Variants in DENND6A observed in about 807,000 individuals in gnomAD.
The protein encoded by DENND6A is protein DENND6A.
Under a neutral mutation model 95.5 loss-of-function variants are expected in DENND6A, and 43 were observed. The ratio of observed to expected loss-of-function variants is 0.45; its 90% confidence interval spans 0.35 to 0.58. The LOEUF (loss-of-function observed/expected upper bound fraction) is 0.58. DENND6A is among the 20% of genes least tolerant of loss of function. The pLI is 0.00. For synonymous variants in DENND6A, 257 were observed against 260.4 expected (o/e 0.99, Z 0.13); for missense variants, 574 against 736.0 (o/e 0.78, Z 2.55).
chr3:57,659,618 C>T (rs1408936221), intron 7 of DENND6A, among the ~76,000 whole-genome samples: 1 of 152,196 alleles, frequency 6.6e-6, no homozygotes, highest in East Asian at 1.9e-4. Context: ...AAACACAATA[C>T]AGATCCTACA....
intron 1 of DENND6A, among the ~76,000 whole-genome samples, chr3:57,683,483 C>T (rs758880458): frequency 2.0e-5 from 3 of 152,128 alleles, no homozygotes; most frequent in Non-Finnish European, 2.9e-5. Flanking sequence ...ATAGGTCACG[C>T]TGGTCTTTTG....
chr3:57,640,082 A>C (rs142598416), intron 12 of DENND6A, among the ~76,000 whole-genome samples: 1,523 of 151,756 alleles, frequency 0.01, 29 homozygotes, highest in African/African-American at 0.034. Context: ...CAAACTGGCC[A>C]ACATGGTGAA....
At chr3:57,684,280 T>G (rs981899033) in intron 1 of DENND6A, among the ~76,000 whole-genome samples, 1 of 150,060 alleles carries the variant, frequency 6.7e-6, no homozygotes, top group African/African-American at 2.5e-5. Context: ...ACCAACATGG[T>G]GAAACCCCGT....
At chr3:57,630,645 A>C (rs2070648315) in intron 17 of DENND6A, 70 bp downstream of exon 17, 8 of 1,555,038 alleles carry the variant, frequency 5.1e-6, no homozygotes, top group Non-Finnish European at 7.0e-6. Flanking sequence ...AATAAGCTTA[A>C]GTTTAGCTTT....
intron 9 of DENND6A, 40 bp from the exon 10 acceptor site, chr3:57,646,478 C>G (rs573386284): frequency 1.3e-6 from 2 of 1,558,276 alleles, no homozygotes; most frequent in African/African-American, 2.8e-5. Context: ...TTTAATGTAG[C>G]CAATCCTGTT....
intron 15 of DENND6A, chr3:57,631,289 C>A (rs555453886): frequency 4.7e-6 from 1 of 212,294 alleles, no homozygotes; most frequent in Non-Finnish European, 9.3e-6. Context: ...CTCTGCCCCC[C>A]GGGTTCAAGC....
intron 14 of DENND6A, 71 bp from the exon 15 acceptor site, chr3:57,633,425 C>A: frequency 8.2e-7 from 1 of 1,224,756 alleles, no homozygotes; most frequent in South Asian, 1.3e-5. Context: ...CTATCAGATT[C>A]AATTGCTATG....
intron 1 of DENND6A, among the ~76,000 whole-genome samples, chr3:57,681,613 G>C (rs1302012950): frequency 2.6e-5 from 3 of 113,226 alleles, no homozygotes; most frequent in South Asian, 3.1e-4. Context: ...AACAGAGCAA[G>C]ACCCTGTTAA....
chr3:57,635,854 ACC>A (rs1293601446), intron 12 of DENND6A, among the ~76,000 whole-genome samples: 1 of 152,072 alleles, frequency 6.6e-6, no homozygotes, highest in Non-Finnish European at 1.5e-5. Context: ...TGCCTCTGCC[ACC>A]CCTGAGTTAG....
chr3:57,668,752 A>G (rs896354427), intron 3 of DENND6A, among the ~76,000 whole-genome samples: 5 of 152,232 alleles, frequency 3.3e-5, no homozygotes, highest in African/African-American at 1.2e-4. Context: ...TGGGTATACA[A>G]TGGAAATAAA....
chr3:57,651,714 A>G (rs2153414611), intron 9 of DENND6A, among the ~76,000 whole-genome samples: 1 of 152,290 alleles, frequency 6.6e-6, no homozygotes, highest in East Asian at 1.9e-4. Context: ...TAAACCCGGA[A>G]TATCTCACAC....
chr3:57,661,588 T>G, intron 5 of DENND6A, 37 bp from the exon 6 acceptor site: 1 of 1,491,050 alleles, frequency 6.7e-7, no homozygotes, highest in Admixed American at 2.5e-5. Context: ...TAAAAATTGC[T>G]TTGTCATTCA....
chr3:57,664,276 G>A (rs1248581006), intron 4 of DENND6A, among the ~76,000 whole-genome samples: 1 of 152,114 alleles, frequency 6.6e-6, no homozygotes, highest in African/African-American at 2.4e-5. Flanking sequence ...ATCTTATATA[G>A]TCAGTTACAC....
At chr3:57,634,850 C>A in intron 12 of DENND6A, 81 bp from the exon 13 acceptor site, 1 of 1,109,118 alleles carries the variant, frequency 9.0e-7, no homozygotes, top group Non-Finnish European at 1.2e-6. Context: ...GATTTATAAT[C>A]TGTTTATTAC....
At chr3:57,683,888 C>A (rs557784981) in intron 1 of DENND6A, among the ~76,000 whole-genome samples, 1 of 152,226 alleles carries the variant, frequency 6.6e-6, no homozygotes, top group East Asian at 1.9e-4. Context: ...AAGTGTTTAG[C>A]TCATGCCTGT....
chr3:57,661,636 C>A, intron 5 of DENND6A, 85 bp from the exon 6 acceptor site: 1 of 1,069,832 alleles, frequency 9.3e-7, no homozygotes, highest in Non-Finnish European at 1.3e-6. Flanking sequence ...CTAAATTCAG[C>A]AAAAAGTGTG....
chr3:57,689,719 A>T (rs989308676), intron 1 of DENND6A, among the ~76,000 whole-genome samples: 4 of 152,180 alleles, frequency 2.6e-5, no homozygotes, highest in African/African-American at 9.7e-5. Context: ...TGAGTTAAAG[A>T]TTCACTCTTT....
chr3:57,642,765 G>T (rs1368036710), intron 11 of DENND6A, among the ~76,000 whole-genome samples: 2 of 152,096 alleles, frequency 1.3e-5, no homozygotes, highest in African/African-American at 2.4e-5. Flanking sequence ...AGCCCTTTGG[G>T]AAGGCCGAGG....
intron 12 of DENND6A, among the ~76,000 whole-genome samples, chr3:57,638,556 G>C (rs1052978984): frequency 6.6e-6 from 1 of 152,210 alleles, no homozygotes; most frequent in Admixed American, 6.5e-5. Flanking sequence ...GACTCGGGGA[G>C]CTAAGGCAGG....
Sources: allele counts gnomAD v4.1 joint callset (sites outside exome capture counted in the v4.1 genomes callset), GRCh38; gene constraint gnomAD v4.1.1; transcripts MANE v1.5; gene names NCBI Gene and HGNC (gene_info 2026-07-23, HGNC 2026-07-21).